CTSB: variants seen among roughly 807,000 people sequenced by gnomAD.
CTSB encodes APP secretase.
Under a neutral mutation model 44.3 loss-of-function variants are expected in CTSB, and 57 were observed. The observed-to-expected ratio is 1.29, with a 90% CI of 1.04 to 1.60. CTSB has a LOEUF of 1.60. CTSB is among the 40% of genes most tolerant of loss of function. The probability of loss-of-function intolerance (pLI) is 0.00; values close to 1 mark genes in which losing one functional copy is unlikely to be tolerated. For synonymous variants in CTSB, 320 were observed against 168.0 expected, an observed-to-expected ratio of 1.91 and a Z score of -7.00; for missense variants, 768 against 443.0, an observed-to-expected ratio of 1.73 and a Z score of -6.59.
chr8:11,848,429 G>A (rs748346901), intron 5 of CTSB: 9 of 561,078 alleles, frequency 1.6e-5, no homozygotes, highest in Middle Eastern at 2.7e-4. Context: ...GGCTACGAGT[G>A]CCCTTCCGGG....
chr8:11,856,340 G>A (rs1815502780), intron 1 of CTSB, among the ~76,000 whole-genome samples: 3 of 152,164 alleles, frequency 2.0e-5, no homozygotes, highest in African/African-American at 7.2e-5. Context: ...CATTAAAAAA[G>A]CAATTAGTTG....
intron 1 of CTSB, among the ~76,000 whole-genome samples, chr8:11,867,058 C>T (rs1219659025): frequency 1.3e-5 from 2 of 152,152 alleles, no homozygotes; most frequent in African/African-American, 4.8e-5. Flanking sequence ...GAGTGTGGGG[C>T]CTGCGCTAGG....
chr8:11,848,552 A>C, intron 5 of CTSB: 1 of 348,020 alleles, frequency 2.9e-6, no homozygotes, highest in Non-Finnish European at 5.6e-6. Context: ...TAGTTAGGGG[A>C]GAAGCCCATG....
At chr8:11,863,487 T>C (rs912868981) in intron 1 of CTSB, among the ~76,000 whole-genome samples, 6 of 151,684 alleles carry the variant, frequency 4.0e-5, no homozygotes, top group African/African-American at 1.2e-4. Context: ...CCAGCAAATA[T>C]GCCATCACTG....
intron 4 of CTSB, among the ~76,000 whole-genome samples, chr8:11,849,747 A>T (rs778585675): frequency 6.6e-6 from 1 of 151,916 alleles, no homozygotes; most frequent in Non-Finnish European, 1.5e-5. Context: ...GGCCCAGCTA[A>T]GTTTTGTCTT....
At chr8:11,850,702 T>A (rs1039820747) in intron 4 of CTSB, 164 bp downstream of exon 4, 1 of 531,092 alleles carries the variant, frequency 1.9e-6, no homozygotes, top group Non-Finnish European at 3.4e-6. Flanking sequence ...TCGCCATCAT[T>A]CATGGCCAGA....
At chr8:11,848,564 A>C (rs1563392583) in intron 5 of CTSB, 2 of 340,862 alleles carry the variant, frequency 5.9e-6, no homozygotes, top group Admixed American at 7.8e-5. Flanking sequence ...AAGCCCATGC[A>C]TTTTTTTAAG....
chr8:11,844,933 T>G lies in CTSB; in HGVS notation c.*192A>C, dbSNP rs914156927. On this transcript the variant is annotated 3_prime_UTR_variant, in exon 10 of 10. Coordinates refer to ENST00000353047, the MANE Select transcript of CTSB (RefSeq NM_001908.5). ...TCTGTGCTGGCAGCGGTGGCTCACA[T>G]GGCCTGTCTGCACTGTAACCACAGG... 16 of 589,226 alleles carry G rather than the reference T, an allele frequency of 2.7e-5. No homozygotes were observed. The highest frequency in any genetic ancestry group is 9.1e-4 in the Middle Eastern group (2 of 2,200). The allele number at this position is 589,226 out of a possible 1,614,324, so 36.5% of individuals were successfully genotyped here.
At chr8:11,853,658 T>A (rs1406165583) in intron 1 of CTSB, 179 bp from the exon 2 acceptor site, 1 of 571,648 alleles carries the variant, frequency 1.7e-6, no homozygotes, top group Non-Finnish European at 2.9e-6. Context: ...AAGCACGCCA[T>A]GACCTCGTGT....
At chr8:11,867,465 C>A (rs879466126) in intron 1 of CTSB, 1 of 152,314 alleles carries the variant, frequency 6.6e-6, no homozygotes, top group Non-Finnish European at 1.5e-5. Context: ...TTCAACAGGA[C>A]CTGTCTTCTG....
At chr8:11,847,907 T>C (rs1271119420) in intron 6 of CTSB, 85 bp from the exon 7 acceptor site, 1 of 1,458,142 alleles carries the variant, frequency 6.9e-7, no homozygotes, top group East Asian at 2.3e-5. Context: ...GCCTGCAGCA[T>C]GGACGCCAGG....
Position 11,849,116 on chromosome 8 carries a change from T to G in CTSB, c.376A>C (p.Asn126His), listed in dbSNP as rs1043627658. 6.2e-7 allele frequency: 1 copy of G among 1,613,474 alleles called. No homozygotes were observed. Among genetic ancestry groups the G allele is most frequent in the Non-Finnish European group, 8.5e-7 (1 of 1,179,848 alleles). ...GACACCTCCACGCTGACGTGCGCAT[T>G]GGTGTGGATGCAGATCCGGTCAGAG... ...AISDRICIHT[N>H]AHVSVEVSAE... The change falls in exon 5 of 10, where the codon AAT becomes CAT. Residue 126 changes from asparagine to histidine, a missense_variant. Physicochemically the swap from Asn to His is moderately conservative, Grantham distance 68. Transcript: ENST00000353047.
intron 1 of CTSB, among the ~76,000 whole-genome samples, chr8:11,856,567 C>T (rs576547418): frequency 5.3e-5 from 8 of 151,928 alleles, no homozygotes; most frequent in South Asian, 2.1e-4. Flanking sequence ...CCAGCCTGGA[C>T]GACAGATTGA....
At chr8:11,849,006 C>G (rs777043362) in intron 5 of CTSB, 40 bp downstream of exon 5, 8 of 1,501,944 alleles carry the variant, frequency 5.3e-6, no homozygotes, top group African/African-American at 4.1e-5. Flanking sequence ...CCCAGGGTCT[C>G]TCAGCACTAA....
At position 11,847,077 on chromosome 8, in the gene CTSB, A is replaced by G. The variant is rs140778517; in HGVS notation, c.768T>C (p.Tyr256=). 464 of 1,611,430 alleles carry G rather than the reference A, an allele frequency of 2.9e-4. 2 individuals carry two copies. The highest frequency in any genetic ancestry group is 2.7e-5 in the Non-Finnish European group (32 of 1,177,516). Residue 256 remains tyrosine, a synonymous_variant, in exon 8 of 10, where the codon TAT becomes TAC. Transcript: ENST00000353047. ...CTGACTTGTAGAGCAGGAAGTCCGA[A>G]TACACAGAGAAAGCTCCCTCCACGG... ...NGPVEGAFSV[Y]SDFLLYKSGV...
At chr8:11,863,468 C>CA (rs201644615) in intron 1 of CTSB, among the ~76,000 whole-genome samples, 128 of 150,776 alleles carry the variant, frequency 8.5e-4, no homozygotes, top group Non-Finnish European at 1.4e-3. Context: ...AAAAAAAAAA[C>CA]AAAAAAACCC....
intron 1 of CTSB, among the ~76,000 whole-genome samples, chr8:11,859,134 TAAAAA>T (rs903014396): frequency 6.6e-6 from 1 of 151,714 alleles, no homozygotes; most frequent in Non-Finnish European, 1.5e-5. Flanking sequence ...ATCTTTGGGT[TAAAAA>T]AAACAGAAAA....
chr8:11,857,063 G>C (rs533869484), intron 1 of CTSB, among the ~76,000 whole-genome samples: 27 of 152,254 alleles, frequency 1.8e-4, no homozygotes, highest in Admixed American at 4.6e-4. Context: ...TCGCTCTGTG[G>C]CACATGCTGG....
rs377471294 is a variant in CTSB at position 11,845,481 on chromosome 8, C to T, written c.922+180G>A. ...TGCAGGCGTTGGCTCTGAAGCTGCT[C>T]AGAGTCTGCCCTCACAGCAAAAGGG... On this transcript the variant is annotated intron_variant, in intron 9 of 9. Coordinates refer to ENST00000353047, the MANE Select transcript of CTSB (RefSeq NM_001908.5). Among the ~76,000 whole-genome samples the T allele has an allele frequency of 2.1e-3, 317 of 152,334 alleles. 1 individual carries two copies. The highest frequency in any genetic ancestry group is 7.2e-3 in the African/African-American group (298 of 41,572).
Sources: allele counts gnomAD v4.1 joint callset (sites outside exome capture counted in the v4.1 genomes callset), GRCh38; gene constraint gnomAD v4.1.1; transcripts MANE v1.5; gene names NCBI Gene and HGNC (gene_info 2026-07-23, HGNC 2026-07-21).